HERC3: variants seen among roughly 807,000 people sequenced by gnomAD.
HERC3 encodes HECT and RLD domain containing E3 ubiquitin protein ligase 3.
A neutral mutation model predicts 129.9 loss-of-function variants in HERC3; 58 were observed. The observed-to-expected ratio is 0.45, with a 90% confidence interval of 0.36 to 0.56. The LOEUF (loss-of-function observed/expected upper bound fraction) is 0.56. Among genes scored for constraint, HERC3 ranks in the 20% least tolerant of loss-of-function variants. The pLI is 0.00. For missense variants in HERC3, 835 were observed against 1,244.2 expected, an observed-to-expected ratio of 0.67 and a Z score of 4.95; for synonymous variants, 430 against 451.0, an observed-to-expected ratio of 0.95 and a Z score of 0.59.
intron 3 of HERC3, 83 bp from the exon 4 acceptor site, chr4:88,649,757 C>A (rs1223273113): frequency 8.5e-7 from 1 of 1,177,866 alleles, no homozygotes; most frequent in Non-Finnish European, 1.2e-6. Flanking sequence ...AATAAAACTG[C>A]CCAGGAAGAT....
At chr4:88,690,296 TG>T in intron 23 of HERC3, 1 of 983,572 alleles carries the variant, frequency 1.0e-6, no homozygotes, top group South Asian at 4.7e-5. Context: ...TTTTTAGAAT[TG>T]GGAAATTTAT....
intron 25 of HERC3, among the ~76,000 whole-genome samples, chr4:88,706,294 C>G (rs1735773741): frequency 1.3e-5 from 2 of 152,186 alleles, no homozygotes; most frequent in South Asian, 4.1e-4. Flanking sequence ...GTGCATGTCA[C>G]AAGAGTGCAA....
At chr4:88,578,589 A>T in the HERC3 span, among the ~76,000 whole-genome samples, 2 of 152,114 alleles carry the variant, frequency 1.3e-5, no homozygotes, top group South Asian at 4.2e-4. Flanking sequence ...CATAAAAAAA[A>T]AAAAAAGAAA....
intron 16 of HERC3, among the ~76,000 whole-genome samples, chr4:88,674,029 C>T (rs976495989): frequency 2.6e-5 from 4 of 152,114 alleles, no homozygotes; most frequent in African/African-American, 9.7e-5. Context: ...GATTTCTTCC[C>T]AGCCATCCCA....
chr4:88,692,021 G>T (rs938096812), intron 23 of HERC3, among the ~76,000 whole-genome samples: 7 of 152,194 alleles, frequency 4.6e-5, no homozygotes, highest in Non-Finnish European at 1.0e-4. Flanking sequence ...GTTTTAAAAT[G>T]CTTTCTATCC....
chr4:88,552,967 A>T, the HERC3 span, among the ~76,000 whole-genome samples: 1 of 152,192 alleles, frequency 6.6e-6, no homozygotes, highest in Non-Finnish European at 1.5e-5. Flanking sequence ...TTTAGGTGAG[A>T]CAGTAATCTT....
chr4:88,525,357 C>T, the HERC3 span, among the ~76,000 whole-genome samples: 1 of 152,144 alleles, frequency 6.6e-6, no homozygotes, highest in East Asian at 1.9e-4. Flanking sequence ...CAGTTGAAGT[C>T]AGTTGATACT....
chr4:88,543,538 C>T, the HERC3 span, among the ~76,000 whole-genome samples: 1 of 152,042 alleles, frequency 6.6e-6, no homozygotes, highest in South Asian at 2.1e-4. Flanking sequence ...CAATGCCATC[C>T]CCATCAAGCT....
intron 20 of HERC3, among the ~76,000 whole-genome samples, chr4:88,680,545 AAT>A (rs1732660783): frequency 6.6e-6 from 1 of 152,222 alleles, no homozygotes; most frequent in Non-Finnish European, 1.5e-5. Context: ...TCAATAATCA[AAT>A]ATGTCTGATA....
At chr4:88,639,187 G>T (rs191388037) in intron 3 of HERC3, among the ~76,000 whole-genome samples, 1 of 152,222 alleles carries the variant, frequency 6.6e-6, no homozygotes, top group African/African-American at 2.4e-5. Flanking sequence ...TATAGATTCA[G>T]TGCTATTCCC....
chr4:88,655,933 G>A lies in HERC3; in HGVS notation c.967G>A (p.Ala323Thr). 6.2e-7 allele frequency: 1 copy of A among 1,614,112 alleles called. No homozygotes were observed. Among genetic ancestry groups the A allele is most frequent in the Non-Finnish European group, 8.5e-7 (1 of 1,179,946 alleles). Reference sequence around the variant, plus strand: ...ACTCATCTATGCATTTGGTTGTGGAGCAAGAGGTCAATTAGGAACTGGGCA... The same window carrying A: ...ACTCATCTATGCATTTGGTTGTGGAACAAGAGGTCAATTAGGAACTGGGCA... ...SGLIYAFGCGARGQLGTGHTC... is the reference protein window; with the variant it reads ...SGLIYAFGCGTRGQLGTGHTC... Residue 323 changes from alanine to threonine, a missense_variant, in exon 9 of 26, where the codon GCA (alanine) becomes ACA (threonine). By Grantham distance (58) the Ala-to-Thr change is moderately conservative. Transcript: ENST00000402738.
At chr4:88,549,653 T>C in the HERC3 span, among the ~76,000 whole-genome samples, 3 of 152,194 alleles carry the variant, frequency 2.0e-5, no homozygotes, top group Admixed American at 6.5e-5. Context: ...TTCATTCTCT[T>C]TTATGGCTGT....
At position 88,606,065 on chromosome 4, in the gene HERC3, C is replaced by G; in HGVS notation, c.226+16C>G. 3 of 1,597,222 alleles carry G rather than the reference C, an allele frequency of 1.9e-6. No individual in the cohort carries two copies. The highest frequency in any genetic ancestry group is 2.6e-6 in the Non-Finnish European group (3 of 1,166,726). On this transcript the variant is annotated intron_variant, in intron 3 of 25. Transcript: ENST00000402738. Reference sequence around the variant, plus strand: ...AACAAGCCAGGTAAGTGCACCTTATCTGTCTTGATTATTGGTGAGAATGGA... The same window carrying G: ...AACAAGCCAGGTAAGTGCACCTTATGTGTCTTGATTATTGGTGAGAATGGA...
At chr4:88,669,510 C>A (rs545330281) in intron 14 of HERC3, among the ~76,000 whole-genome samples, 6 of 152,246 alleles carry the variant, frequency 3.9e-5, no homozygotes, top group Non-Finnish European at 5.9e-5. Context: ...TGGCTGAAAG[C>A]GCTAGGACAT....
chr4:88,654,133 G>A lies in HERC3; in HGVS notation c.777G>A (p.Lys259=), dbSNP rs1334614738. The A allele has an allele frequency of 3.1e-6, 5 of 1,608,348 alleles. No homozygotes were observed. The East Asian group carries it at 8.9e-5, about 29-fold the overall frequency. ...CGEEHTAVLT[K]SGGVFTFGAG... ...AAGAACACACAGCAGTTCTCACAAA[G>A]GTAAGGAGCTCAGAGTATTTTACTT... The change falls in exon 7 of 26, where the codon AAG becomes AAA. Residue 259 remains lysine (K), a splice_region_variant and synonymous_variant. Transcript: ENST00000402738.
At chr4:88,704,762 C>T in intron 25 of HERC3, 152 bp downstream of exon 25, 1 of 605,910 alleles carries the variant, frequency 1.7e-6, no homozygotes, top group Non-Finnish European at 3.0e-6. Context: ...AATGTTATCT[C>T]AGGCACAATA....
At chr4:88,660,840 C>G (rs1730420491) in intron 10 of HERC3, among the ~76,000 whole-genome samples, 1 of 152,116 alleles carries the variant, frequency 6.6e-6, no homozygotes, top group African/African-American at 2.4e-5. Context: ...ACTGATGACT[C>G]TAGAGATTCT....
the HERC3 span, among the ~76,000 whole-genome samples, chr4:88,550,885 T>C: frequency 6.6e-6 from 1 of 151,800 alleles, no homozygotes; most frequent in African/African-American, 2.4e-5. Flanking sequence ...CTTCAAACTA[T>C]ACTACAAGGC....
At chr4:88,683,615 G>T (rs1490310862) in intron 21 of HERC3, among the ~76,000 whole-genome samples, 1 of 152,204 alleles carries the variant, frequency 6.6e-6, no homozygotes, top group Non-Finnish European at 1.5e-5. Flanking sequence ...GGCAACTCTT[G>T]ATAGAATTGC....
Sources: allele counts gnomAD v4.1 joint callset (sites outside exome capture counted in the v4.1 genomes callset), GRCh38; gene constraint gnomAD v4.1.1; transcripts MANE v1.5; gene names NCBI Gene and HGNC (gene_info 2026-07-23, HGNC 2026-07-21).